Variants in LRRC46 observed in about 807,000 individuals in gnomAD.
The protein encoded by LRRC46 is leucine-rich repeat-containing protein 46.
Under a neutral mutation model 28.0 loss-of-function variants are expected in LRRC46, and 20 were observed. The ratio of observed to expected loss-of-function variants is 0.71; its 90% CI spans 0.50 to 1.04. LRRC46 has a LOEUF of 1.04. Ranked by LOEUF, LRRC46 falls within the 50% of genes least tolerant of loss-of-function variation. LRRC46 has a pLI of 0.00. For synonymous variants in LRRC46, 156 were observed against 158.8 expected (o/e 0.98, Z 0.13); for missense variants, 315 against 390.1 (o/e 0.81, Z 1.62).
chr17:47,837,473 C>T lies in LRRC46; in HGVS notation c.*353C>T. On this transcript the variant is annotated 3_prime_UTR_variant, in exon 8 of 8. Coordinates refer to ENST00000269025, the MANE Select transcript of LRRC46 (RefSeq NM_033413.4). ...CTCACTGCCACCCCTAGCGAGTGCC[C>T]TTCCCCGGTCCAAGCCAAGGACCAA... 2 of 401,392 alleles carry T rather than the reference C, an allele frequency of 5.0e-6. No individual in the cohort carries two copies. Among genetic ancestry groups the T allele is most frequent in the East Asian group, 1.1e-4 (2 of 17,452 alleles). 24.9% of individuals were successfully genotyped at this position (401,392 alleles called of 1,614,324 possible).
chr17:47,834,190 T>G, intron 2 of LRRC46: 10 of 967,036 alleles, frequency 1.0e-5, no homozygotes, highest in Non-Finnish European at 1.2e-5. Flanking sequence ...AGAGGGCCCT[T>G]ACTCCTCTCT....
chr17:47,831,843 C>A lies in LRRC46; in HGVS notation c.-147C>A. The A allele has an allele frequency of 9.6e-7, 1 of 1,041,266 alleles. No individual in the cohort carries two copies. Among genetic ancestry groups the A allele is most frequent in the Non-Finnish European group, 1.4e-6 (1 of 702,482 alleles). The allele number at this position is 1,041,266 out of a possible 1,614,324, so 64.5% of individuals were successfully genotyped here. On this transcript the variant is annotated 5_prime_UTR_variant, in exon 1 of 8. Transcript: ENST00000269025. ...TCTTCGACCTCACCCCAGCAATTTT[C>A]TCTGAATCAACCCCCTTTCCTCCTC... is the stretch of plus-strand genomic sequence containing the variant.
In LRRC46 at chr17:47,836,317, T is replaced by C. The variant is rs2033695346; in HGVS notation, c.453-16T>C. ...GGGTGCCCTCCTGGGTAACCTCTGC[T>C]CCTTCTGCTCTGCAGCGAGCTGGTG... On this transcript the variant is annotated splice_polypyrimidine_tract_variant and intron_variant, in intron 6 of 7. Transcript: ENST00000269025. The surrounding 1 kb of genome is among the most constrained non-coding windows in gnomAD (Gnocchi z 5.8). 6.2e-7 allele frequency: 1 copy of C among 1,613,280 alleles called. No homozygotes were observed. Among genetic ancestry groups the C allele is most frequent in the South Asian group, 1.1e-5 (1 of 91,046 alleles).
At chr17:47,832,273 T>C (rs1175861636) in intron 2 of LRRC46, 68 bp downstream of exon 2, 10 of 1,132,150 alleles carry the variant, frequency 8.8e-6, no homozygotes, top group Non-Finnish European at 1.3e-5. Flanking sequence ...GTCCCTGACG[T>C]GTACTGATTT....
chr17:47,835,849 C>T, intron 5 of LRRC46, 74 bp downstream of exon 5: 2 of 1,412,490 alleles, frequency 1.4e-6, no homozygotes, highest in South Asian at 2.3e-5. Context: ...ACCCATCTGC[C>T]CATGCTTCTA....
At position 47,836,250 on chromosome 17, in the gene LRRC46, G is replaced by C; in HGVS notation, c.453-83G>C. 6.3e-7 allele frequency: 1 copy of C among 1,593,802 alleles called. No individual in the cohort carries two copies. The highest frequency in any genetic ancestry group is 8.6e-7 in the Non-Finnish European group (1 of 1,166,650). ...TAGCTCATGAGCCACCACCCCTCCG[G>C]GTGTGAGTGCTGTGGTGCGTGTCTT... On this transcript the variant is annotated intron_variant, in intron 6 of 7. Transcript: ENST00000269025. The surrounding 1 kb of genome is among the most constrained non-coding windows in gnomAD (Gnocchi z 5.8).
chr17:47,832,286 C>A, intron 2 of LRRC46, 81 bp downstream of exon 2: 2 of 1,009,638 alleles, frequency 2.0e-6, no homozygotes. Context: ...ACTGATTTGT[C>A]AACTGATCTT....
At chr17:47,835,996 G>A (rs144200476) in intron 5 of LRRC46, 37 bp from the exon 6 acceptor site, 7 of 1,609,810 alleles carry the variant, frequency 4.3e-6, no homozygotes, top group African/African-American at 2.7e-5. Context: ...CTAAGATCAA[G>A]TGAGAACCCC....
chr17:47,834,396 A>G, intron 2 of LRRC46, 29 bp from the exon 3 acceptor site: 1 of 1,536,298 alleles, frequency 6.5e-7, no homozygotes, highest in African/African-American at 1.4e-5. Context: ...GTGGTGCTCT[A>G]ACACCACCCT....
intron 2 of LRRC46, chr17:47,834,077 T>A: frequency 2.0e-6 from 2 of 1,016,676 alleles, no homozygotes; most frequent in African/African-American, 1.7e-5. Flanking sequence ...CAGTGTCTCA[T>A]CTCTGTCCCA....
In LRRC46 at chr17:47,836,008, T is replaced by C; in HGVS notation, c.383-25T>C. ...TGGCTAAGATCAAGTGAGAACCCCA[T>C]TTCCTCTCTCTTTGCTGTGTGCAGA... On this transcript the variant is annotated intron_variant, in intron 5 of 7. Transcript: ENST00000269025. The surrounding 1 kb of genome is among the most constrained non-coding windows in gnomAD (Gnocchi z 5.8). The C allele has an allele frequency of 1.2e-6, 2 of 1,612,898 alleles. No individual in the cohort carries two copies. The highest frequency in any genetic ancestry group is 2.2e-5 in the East Asian group (1 of 44,876).
rs375768728 is a variant in LRRC46 at position 47,836,025 on chromosome 17, G to A, written c.383-8G>A. The A allele has an allele frequency of 6.2e-6, 10 of 1,614,074 alleles. No individual in the cohort carries two copies. The African/African-American group carries it at 9.3e-5, about 15-fold the overall frequency. On this transcript the variant is annotated splice_polypyrimidine_tract_variant and splice_region_variant and intron_variant, in intron 5 of 7. Transcript: ENST00000269025. The surrounding 1 kb of genome is among the most constrained non-coding windows in gnomAD (Gnocchi z 5.8). Reference sequence around the variant, plus strand: ...GAACCCCATTTCCTCTCTCTTTGCTGTGTGCAGATGAGTTCCCCCAGAGCC... The same window carrying A: ...GAACCCCATTTCCTCTCTCTTTGCTATGTGCAGATGAGTTCCCCCAGAGCC...
intron 2 of LRRC46, among the ~76,000 whole-genome samples, chr17:47,832,956 C>G (rs1053326089): frequency 3.3e-5 from 5 of 152,212 alleles, no homozygotes; most frequent in Non-Finnish European, 7.3e-5. Context: ...ACTGTGTACT[C>G]ACACCTTAGT....
At position 47,831,891 on chromosome 17, in the gene LRRC46, C is replaced by T; in HGVS notation, c.-99C>T. On this transcript the variant is annotated 5_prime_UTR_variant, in exon 1 of 8. Coordinates refer to ENST00000269025, the MANE Select transcript of LRRC46 (RefSeq NM_033413.4). ...CTCTCCTAAGTCTCTGAGTTTCTCT[C>T]TCCTCCTGCCATCCTGAGTTCTGCC... 6.6e-7 allele frequency: 1 copy of T among 1,515,336 alleles called. No individual in the cohort carries two copies. The highest frequency in any genetic ancestry group is 9.1e-7 in the Non-Finnish European group (1 of 1,097,256). 93.9% of individuals were successfully genotyped at this position (1,515,336 alleles called of 1,614,324 possible).
In LRRC46 at chr17:47,837,216, G is replaced by A. The variant is rs940630291; in HGVS notation, c.*96G>A. On this transcript the variant is annotated 3_prime_UTR_variant, in exon 8 of 8. Transcript: ENST00000269025. ...GACAGAAGCCCATCCCCAGTAAAGT[G>A]TCTCTAGGCCCTGAGTATGCTTTTC... 3.1e-5 allele frequency: 47 copies of A among 1,506,280 alleles called. No individual in the cohort carries two copies. The highest frequency in any genetic ancestry group is 1.1e-4 in the Admixed American group (5 of 44,260). The allele number at this position is 1,506,280 out of a possible 1,614,324, so 93.3% of individuals were successfully genotyped here.
rs1206323810 is a variant in LRRC46, at chr17:47,836,244, C to T, written c.453-89C>T. 4.4e-6 allele frequency: 7 copies of T among 1,589,702 alleles called. No homozygotes were observed. Among genetic ancestry groups the T allele is most frequent in the Non-Finnish European group, 6.0e-6 (7 of 1,163,354 alleles). On this transcript the variant is annotated intron_variant, in intron 6 of 7. Transcript: ENST00000269025. The surrounding 1 kb of genome is among the most constrained non-coding windows in gnomAD (Gnocchi z 5.8). The stretch of plus-strand genomic sequence containing the variant: ...CCTACCTAGCTCATGAGCCACCACC[C>T]CTCCGGGTGTGAGTGCTGTGGTGCG...
chr17:47,835,067 C>G, intron 3 of LRRC46: 2 of 419,464 alleles, frequency 4.8e-6, no homozygotes, highest in South Asian at 6.2e-5. Context: ...CTGGTGGCTT[C>G]TTAGTTTCCT....
rs2033671927 is a variant in LRRC46 at position 47,834,536 on chromosome 17, A to T, written c.225+3A>T. 6.3e-7 allele frequency: 1 copy of T among 1,590,072 alleles called. No individual in the cohort carries two copies. The highest frequency in any genetic ancestry group is 8.6e-7 in the Non-Finnish European group (1 of 1,158,818). Reference sequence around the variant, plus strand: ...TTCACAGTCTCTATCTGCAAGGGGTAACTTCTTTCTCCACCCTTCCCCTCC... The same window carrying T: ...TTCACAGTCTCTATCTGCAAGGGGTTACTTCTTTCTCCACCCTTCCCCTCC... On this transcript the variant is annotated splice_donor_region_variant and intron_variant, in intron 3 of 7. Transcript: ENST00000269025.
At position 47,836,639 on chromosome 17, in the gene LRRC46, C is replaced by T. The variant is rs936894315; in HGVS notation, c.596-111C>T. On this transcript the variant is annotated intron_variant, in intron 7 of 7. Transcript: ENST00000269025. This position sits in a 1 kb window ranked among gnomAD's most constrained non-coding sequence, Gnocchi z 5.8. ...CAGTCCTGGGCCCCAGCCTCAGGCT[C>T]CTTCCCACAAGGGACAAGGGGCCAG... 6.0e-5 allele frequency: 90 copies of T among 1,508,476 alleles called. No individual in the cohort carries two copies. The highest frequency in any genetic ancestry group is 7.9e-5 in the Non-Finnish European group (89 of 1,124,984). 93.4% of individuals were successfully genotyped at this position (1,508,476 alleles called of 1,614,324 possible).
Sources: gnomAD v4.1 joint callset for allele counts (sites outside exome capture counted in the v4.1 genomes callset) on GRCh38, gnomAD v4.1.1 for gene constraint, Gnocchi (gnomAD v3.1) non-coding constraint, MANE v1.5 for transcripts, NCBI Gene and HGNC (gene_info 2026-07-23, HGNC 2026-07-21) for gene names.